The following ZCCHC7 variants were observed in gnomAD, a reference collection of about 807,000 sequenced individuals.
ZCCHC7 encodes the protein zinc finger CCHC-type containing 7, also known as zinc finger CCHC domain-containing protein 7.
Under a neutral mutation model 52.0 loss-of-function variants are expected in ZCCHC7, and 35 were observed. That is an observed-to-expected ratio of 0.67 (90% CI 0.51 to 0.89). The LOEUF (loss-of-function observed/expected upper bound fraction) is 0.89, where lower values mean the gene tolerates loss of function less well. Ranked by LOEUF, ZCCHC7 falls within the 40% of genes least tolerant of loss-of-function variation. The pLI, the probability that ZCCHC7 is intolerant of heterozygous loss-of-function variation, is 0.00. For missense variants in ZCCHC7, 574 were observed against 649.1 expected (o/e 0.88, Z 1.26); for synonymous variants, 217 against 221.5 (o/e 0.98, Z 0.18).
Position 37,216,699 on chromosome 9 carries a change from A to AT in ZCCHC7, c.611-85489_611-85488insT, listed in dbSNP as rs1824524706. On this transcript the variant is annotated intron_variant, in intron 2 of 8. Coordinates refer to ENST00000336755, the MANE Select transcript of ZCCHC7 (RefSeq NM_032226.3). ...CAAAAATAAATAAATAAATAAATAA[A>AT]AAGTGTATCTTATAGGGAGAGCATT... Among the ~76,000 whole-genome samples, 9 of 152,252 alleles carry AT rather than the reference A, an allele frequency of 5.9e-5. 1 individual carries two copies. The highest frequency in any genetic ancestry group is 1.9e-4 in the African/African-American group (8 of 41,550).
intron 6 of ZCCHC7, among the ~76,000 whole-genome samples, chr9:37,348,390 C>CTTTCTTTCTTTCTTTCTTTCTTTCTTTCT (rs1554736711): frequency 2.3e-4 from 30 of 133,262 alleles, no homozygotes; most frequent in African/African-American, 7.7e-4. Flanking sequence ...TTCTTTCTTT[C>CTTTCTTTCTTTCTTTCTTTCTTTCTTTCT]TTTTTTGACA....
chr9:37,180,335 A>T (rs1420031636), intron 2 of ZCCHC7, among the ~76,000 whole-genome samples: 1 of 152,120 alleles, frequency 6.6e-6, no homozygotes, highest in Non-Finnish European at 1.5e-5. Flanking sequence ...CTCTAGGGGG[A>T]AAAAAGACAT....
In ZCCHC7 at chr9:37,200,061, A is replaced by G. The variant is rs1362450803; in HGVS notation, c.610+73119A>G. Among the ~76,000 whole-genome samples, 4 of 152,168 alleles carry G rather than the reference A, an allele frequency of 2.6e-5. No homozygotes were observed. In the East Asian group the frequency reaches 5.8e-4, roughly 22 times the overall value. On this transcript the variant is annotated intron_variant, in intron 2 of 8. Transcript: ENST00000336755. ...ATTTTTGCCTTCCCATTTGTGCGCC[A>G]CCATTATTAAATGCTTTATATTCTC...
chr9:37,217,907 C>G (rs1320762622), intron 2 of ZCCHC7, among the ~76,000 whole-genome samples: 1 of 152,080 alleles, frequency 6.6e-6, no homozygotes, highest in Non-Finnish European at 1.5e-5. Context: ...AATGAATATT[C>G]TGTTTGGAAA....
intron 5 of ZCCHC7, among the ~76,000 whole-genome samples, chr9:37,315,485 C>A (rs958473313): frequency 6.6e-6 from 1 of 151,794 alleles, no homozygotes; most frequent in East Asian, 1.9e-4. Context: ...GACACTCAAG[C>A]AAATTATATA....
At chr9:37,212,781 A>G (rs1395181865) in intron 2 of ZCCHC7, among the ~76,000 whole-genome samples, 1 of 152,168 alleles carries the variant, frequency 6.6e-6, no homozygotes, top group African/African-American at 2.4e-5. Flanking sequence ...CAGCTTCTCT[A>G]CCTGTACATC....
chr9:37,147,133 A>G (rs1056377163), intron 2 of ZCCHC7, among the ~76,000 whole-genome samples: 31 of 152,084 alleles, frequency 2.0e-4, no homozygotes, highest in African/African-American at 7.0e-4. Flanking sequence ...CAATTGAATT[A>G]TATATATCAA....
chr9:37,216,149 A>C (rs781774785), intron 2 of ZCCHC7, among the ~76,000 whole-genome samples: 1 of 152,124 alleles, frequency 6.6e-6, no homozygotes, highest in Non-Finnish European at 1.5e-5. Context: ...TAGAACTGTT[A>C]TTTCTTTACT....
chr9:37,306,829 G>C (rs528446803), intron 5 of ZCCHC7, among the ~76,000 whole-genome samples: 2 of 111,598 alleles, frequency 1.8e-5, no homozygotes, highest in Admixed American at 1.2e-4. Flanking sequence ...GCTCTGTCAC[G>C]GTGGCTAGAG....
chr9:37,205,903 C>T lies in ZCCHC7; in HGVS notation c.610+78961C>T, dbSNP rs563488959. Among the ~76,000 whole-genome samples, 13 of 150,708 alleles carry T rather than the reference C, an allele frequency of 8.6e-5. No individual in the cohort carries two copies. In the South Asian group the frequency reaches 1.9e-3, roughly 22 times the overall value. On this transcript the variant is annotated intron_variant, in intron 2 of 8. Coordinates refer to ENST00000336755, the MANE Select transcript of ZCCHC7 (RefSeq NM_032226.3). The stretch of plus-strand genomic sequence containing the variant: ...GTTGGAGTTTTTTTTTTTTTCTTTC[C>T]GCTTAGTCAGTTCCTAATTTGTACA...
At chr9:37,184,192 C>T (rs1363454258) in intron 2 of ZCCHC7, among the ~76,000 whole-genome samples, 1 of 152,162 alleles carries the variant, frequency 6.6e-6, no homozygotes, top group Admixed American at 6.5e-5. Context: ...TAATTCCTTA[C>T]TGTTTTTGTG....
intron 6 of ZCCHC7, among the ~76,000 whole-genome samples, chr9:37,337,112 A>T (rs2118394182): frequency 6.6e-6 from 1 of 152,210 alleles, no homozygotes; most frequent in Admixed American, 6.5e-5. Context: ...AAGCGGATCT[A>T]TTTCTTTATT....
At chr9:37,289,830 C>T (rs1028542102) in intron 2 of ZCCHC7, among the ~76,000 whole-genome samples, 4 of 152,178 alleles carry the variant, frequency 2.6e-5, no homozygotes, top group African/African-American at 4.8e-5. Flanking sequence ...GGCCTGTCTC[C>T]GGTTCCTTAA....
chr9:37,318,451 A>G (rs1220265041), intron 5 of ZCCHC7, among the ~76,000 whole-genome samples: 4 of 151,790 alleles, frequency 2.6e-5, no homozygotes, highest in Non-Finnish European at 5.9e-5. Flanking sequence ...AGAAGAACGA[A>G]ACTCCATCTC....
intron 2 of ZCCHC7, among the ~76,000 whole-genome samples, chr9:37,264,466 T>G (rs1046646261): frequency 8.5e-5 from 13 of 152,288 alleles, no homozygotes; most frequent in African/African-American, 3.1e-4. Flanking sequence ...AGTCTTTTTT[T>G]TTGTGGAGGG....
At chr9:37,302,484 T>C (rs1436204490) in intron 3 of ZCCHC7, among the ~76,000 whole-genome samples, 1 of 152,196 alleles carries the variant, frequency 6.6e-6, no homozygotes, top group Non-Finnish European at 1.5e-5. Flanking sequence ...CCATATGGCC[T>C]GGTACCACTA....
chr9:37,289,358 C>G (rs1435089256), intron 2 of ZCCHC7, among the ~76,000 whole-genome samples: 1 of 152,054 alleles, frequency 6.6e-6, no homozygotes, highest in Non-Finnish European at 1.5e-5. Context: ...ACCATGTTGG[C>G]CCGGCTGGTC....
intron 5 of ZCCHC7, chr9:37,322,134 G>A (rs890113943): frequency 6.6e-6 from 1 of 152,172 alleles, no homozygotes; most frequent in Non-Finnish European, 1.5e-5. Context: ...CAGGAAGTAA[G>A]ACCTCTCTTC....
chr9:37,131,825 A>G (rs1014756355), intron 2 of ZCCHC7, among the ~76,000 whole-genome samples: 1 of 152,128 alleles, frequency 6.6e-6, no homozygotes, highest in Non-Finnish European at 1.5e-5. Flanking sequence ...TTGAGACTGT[A>G]TATACGTGAC....
Sources: gnomAD v4.1 joint callset for allele counts (sites outside exome capture counted in the v4.1 genomes callset) on GRCh38, gnomAD v4.1.1 for gene constraint, MANE v1.5 for transcripts, NCBI Gene and HGNC (gene_info 2026-07-23, HGNC 2026-07-21) for gene names.